CST5: variants seen among roughly 807,000 people sequenced by gnomAD.
CST5 encodes cystatin-D.
Under a neutral mutation model 11.5 loss-of-function variants are expected in CST5, and 13 were observed. The ratio of observed to expected loss-of-function variants is 1.13; its 90% CI spans 0.73 to 1.79. The LOEUF is 1.79. Ranked by LOEUF, CST5 falls within the 40% of genes most tolerant of loss-of-function variation. CST5 has a pLI of 0.00. For synonymous variants in CST5, 81 were observed against 67.6 expected, an observed-to-expected ratio of 1.20 and a Z score of -0.97; for missense variants, 219 against 174.5, an observed-to-expected ratio of 1.25 and a Z score of -1.44.
Position 23,879,509 on chromosome 20 carries a change from G to T in CST5, c.168C>A (p.Asn56Lys). 1 of 1,614,010 alleles carries T rather than the reference G, an allele frequency of 6.2e-7. No homozygotes were observed. Among genetic ancestry groups the T allele is most frequent in the Non-Finnish European group, 8.5e-7 (1 of 1,179,976 alleles). Residue 56 changes from asparagine to lysine, a missense_variant, in exon 1 of 3, where the codon AAC becomes AAA. Coordinates refer to ENST00000304710, the MANE Select transcript of CST5 (RefSeq NM_001900.5). ...AGTACTCATCCTTATTAATGACCTTGTTGTACTCGCTGATGGCAAAGTCCA... is the reference window on the plus strand; with the variant it reads ...AGTACTCATCCTTATTAATGACCTTTTTGTACTCGCTGATGGCAAAGTCCA... ...CALDFAISEY[N>K]KVINKDEYYS...
intron 1 of CST5, among the ~76,000 whole-genome samples, chr20:23,878,380 A>T (rs4239743): frequency 6.6e-6 from 1 of 151,544 alleles, no homozygotes; most frequent in South Asian, 2.1e-4. Context: ...GTGCCGCCCC[A>T]AAACATGACT....
chr20:23,879,461 C>T lies in CST5; in HGVS notation c.216G>A (p.Met72Ile). 2 of 1,613,774 alleles carry T rather than the reference C, an allele frequency of 1.2e-6. No homozygotes were observed. Among genetic ancestry groups the T allele is most frequent in the Non-Finnish European group, 1.7e-6 (2 of 1,179,836 alleles). The change falls in exon 1 of 3, where the codon ATG becomes ATA. Residue 72 changes from methionine to isoleucine, a missense_variant. Met to Ile is a conservative substitution (Grantham distance 10). Coordinates refer to ENST00000304710, the MANE Select transcript of CST5 (RefSeq NM_001900.5). ...TAGCACGCACCTGCTGGTAGGCAGC[C>T]ATCACCTGCAGAGGGCGGCTGTAGT... ...DEYYSRPLQV[M>I]AAYQQIVGGV... is the part of the protein sequence containing the mutation.
intron 1 of CST5, among the ~76,000 whole-genome samples, chr20:23,878,213 A>T (rs1986004986): frequency 6.6e-6 from 1 of 152,194 alleles, no homozygotes; most frequent in South Asian, 2.1e-4. Flanking sequence ...AGGAGATGAG[A>T]TGCTCACATA....
At chr20:23,879,007 C>T (rs548266107) in intron 1 of CST5, among the ~76,000 whole-genome samples, 51 of 152,314 alleles carry the variant, frequency 3.3e-4, no homozygotes, top group Admixed American at 1.4e-3. Flanking sequence ...CTAGCCATAA[C>T]GGGCTGTGCC....
rs201048705 is a variant in CST5 at position 23,879,644 on chromosome 20, C to T, written c.33G>A (p.Leu11=). Residue 11 remains leucine (L), a synonymous_variant, in exon 1 of 3, where the codon CTG becomes CTA. Transcript: ENST00000304710. ...CCACGGCCACCATCAAGGCAGTCAGCAGCAGCAGTGGGGTGTGCATGGGCC... is the reference window on the plus strand; with the variant it reads ...CCACGGCCACCATCAAGGCAGTCAGTAGCAGCAGTGGGGTGTGCATGGGCC... MMWPMHTPLL[L]LTALMVAVAG... is the part of the protein sequence containing the mutation. The T allele has an allele frequency of 1.2e-6, 2 of 1,614,076 alleles. No individual in the cohort carries two copies. The highest frequency in any genetic ancestry group is 1.7e-6 in the Non-Finnish European group (2 of 1,179,968).
chr20:23,878,967 G>C (rs933476023), intron 1 of CST5, among the ~76,000 whole-genome samples: 12 of 152,220 alleles, frequency 7.9e-5, no homozygotes, highest in African/African-American at 2.2e-4. Flanking sequence ...GGCTGTAGGG[G>C]GTGGTCAGCC....
chr20:23,877,977 C>G (rs4239742), intron 1 of CST5, among the ~76,000 whole-genome samples: 41,678 of 152,054 alleles, frequency 0.27, 5,856 homozygotes, highest in South Asian at 0.32. Flanking sequence ...GTCCTGGCAC[C>G]AGGCTTGCAG....
chr20:23,876,067 G>C lies in CST5; in HGVS notation c.*121C>G, dbSNP rs1385005886. On this transcript the variant is annotated 3_prime_UTR_variant, in exon 3 of 3. Coordinates refer to ENST00000304710, the MANE Select transcript of CST5 (RefSeq NM_001900.5). ...AGGCCTCCTGCCACCTTCTGTGTCTGTCTCCTGGTGCAGGCGCATGAGGAG... is the reference window on the plus strand; with the variant it reads ...AGGCCTCCTGCCACCTTCTGTGTCTCTCTCCTGGTGCAGGCGCATGAGGAG... 16 of 696,388 alleles carry C rather than the reference G, an allele frequency of 2.3e-5. No homozygotes were observed. The highest frequency in any genetic ancestry group is 3.7e-5 in the Non-Finnish European group (15 of 403,048). 43.1% of individuals were successfully genotyped at this position (696,388 alleles called of 1,614,324 possible). A position where few individuals can be genotyped will look rare whatever the true frequency, so the allele number is the denominator to read the frequency against.
chr20:23,879,383 C>T, intron 1 of CST5, 63 bp downstream of exon 1: 1 of 1,231,252 alleles, frequency 8.1e-7, no homozygotes, highest in South Asian at 1.2e-5. Context: ...TGGGAGTGCT[C>T]TGGGGGGTGA....
intron 2 of CST5, 106 bp from the exon 3 acceptor site, chr20:23,876,377 C>A: frequency 2.3e-6 from 2 of 882,858 alleles, no homozygotes; most frequent in Non-Finnish European, 1.8e-6. Context: ...GGAGATGAGA[C>A]ACTGCCCCCT....
chr20:23,876,049 C>A lies in CST5; in HGVS notation c.*139G>T, dbSNP rs992466517. 2.8e-5 allele frequency: 18 copies of A among 632,884 alleles called. No homozygotes were observed. Among genetic ancestry groups the A allele is most frequent in the Middle Eastern group, 3.6e-4 (1 of 2,814 alleles). 39.2% of individuals were successfully genotyped at this position (632,884 alleles called of 1,614,324 possible). On this transcript the variant is annotated 3_prime_UTR_variant, in exon 3 of 3. Transcript: ENST00000304710. ...CCTCCTGCTGAGCAACAAAGGCCTC[C>A]TGCCACCTTCTGTGTCTGTCTCCTG...
chr20:23,877,150 C>A (rs772181553), intron 2 of CST5, among the ~76,000 whole-genome samples: 2 of 152,220 alleles, frequency 1.3e-5, no homozygotes, highest in African/African-American at 2.4e-5. Flanking sequence ...CACATGCACA[C>A]ACACACTCCT....
chr20:23,877,738 C>G, intron 1 of CST5, 120 bp from the exon 2 acceptor site: 2 of 759,736 alleles, frequency 2.6e-6, no homozygotes, highest in Non-Finnish European at 4.4e-6. Flanking sequence ...CACTGTCACC[C>G]AAAAGGCACA....
intron 2 of CST5, 21 bp from the exon 3 acceptor site, chr20:23,876,292 A>C (rs1219050763): frequency 1.3e-6 from 2 of 1,584,046 alleles, no homozygotes; most frequent in Non-Finnish European, 1.7e-6. Flanking sequence ...AAAGAGATGG[A>C]GAAAATGACT....
chr20:23,876,332 A>G (rs548552256), intron 2 of CST5, 61 bp from the exon 3 acceptor site: 2 of 1,345,110 alleles, frequency 1.5e-6, no homozygotes, highest in African/African-American at 1.4e-5. Context: ...AAAGATGCCC[A>G]GGAATGGGAC....
chr20:23,879,728 C>A lies in CST5; in HGVS notation c.-52G>T. ...CTGGATCTCCCAGAGAGCAAAGCAG[C>A]AGAAGGCTGAGGCAGGAAGCCCAGG... On this transcript the variant is annotated 5_prime_UTR_variant, in exon 1 of 3. Transcript: ENST00000304710. The A allele has an allele frequency of 6.4e-7, 1 of 1,564,814 alleles. No individual in the cohort carries two copies. Among genetic ancestry groups the A allele is most frequent in the South Asian group, 1.2e-5 (1 of 86,682 alleles).
chr20:23,877,480 C>A (rs778160011), intron 2 of CST5, 25 bp downstream of exon 2: 1 of 1,560,336 alleles, frequency 6.4e-7, no homozygotes, highest in Non-Finnish European at 8.8e-7. Flanking sequence ...GTACTTGATG[C>A]CCCTGACCCA....
rs748691032 is a variant in CST5 at position 23,875,945 on chromosome 20, T to C, written c.*243A>G. On this transcript the variant is annotated 3_prime_UTR_variant, in exon 3 of 3. Coordinates refer to ENST00000304710, the MANE Select transcript of CST5 (RefSeq NM_001900.5). ...AGAACTCAGAGGGAGGCAATGCTAC[T>C]GTTTAATTGCAGGAGGTGGGAGAGT... The C allele has an allele frequency of 2.2e-5, 8 of 362,178 alleles. No individual in the cohort carries two copies. The highest frequency in any genetic ancestry group is 3.5e-5 in the Non-Finnish European group (7 of 199,716). The allele number at this position is 362,178 out of a possible 1,614,324, so 22.4% of individuals were successfully genotyped here.
chr20:23,877,396 C>T, intron 2 of CST5, 109 bp downstream of exon 2: 1 of 841,762 alleles, frequency 1.2e-6, no homozygotes, highest in Non-Finnish European at 2.0e-6. Flanking sequence ...CACACATGCC[C>T]TCCAAAGCAT....
Sources: gnomAD v4.1 joint callset for allele counts (sites outside exome capture counted in the v4.1 genomes callset) on GRCh38, gnomAD v4.1.1 for gene constraint, MANE v1.5 for transcripts, NCBI Gene and HGNC (gene_info 2026-07-23, HGNC 2026-07-21) for gene names.